ERG: variants seen among roughly 807,000 people sequenced by gnomAD.
ERG encodes the protein ETS transcription factor ERG, also known as transcriptional regulator ERG.
ERG carries 9 observed loss-of-function variants against 55.3 expected under a neutral mutation model. The ratio of observed to expected loss-of-function variants is 0.16; its 90% CI spans 0.10 to 0.28. The LOEUF is 0.28. Among genes scored for constraint, ERG ranks in the 10% least tolerant of loss-of-function variants. The probability of loss-of-function intolerance (pLI) is 1.00; values close to 1 mark genes in which losing one functional copy is unlikely to be tolerated. For synonymous variants in ERG, 223 were observed against 237.3 expected (o/e 0.94, Z 0.55); for missense variants, 434 against 631.6 (o/e 0.69, Z 3.35).
At chr21:38,411,500 G>T (rs1184384020) in intron 3 of ERG, among the ~76,000 whole-genome samples, 1 of 152,076 alleles carries the variant, frequency 6.6e-6, no homozygotes, top group Non-Finnish European at 1.5e-5. Context: ...TAGAGATGGG[G>T]TTTCACCATG....
At position 38,514,917 on chromosome 21, in the gene ERG, A is replaced by G. The variant is rs150739495; in HGVS notation, c.-41+60745T>C. 9.9e-4 allele frequency among the ~76,000 whole-genome samples: 150 copies of G among 152,184 alleles called. 1 individual carries two copies. The highest frequency in any genetic ancestry group is 3.5e-3 in the African/African-American group (144 of 41,578). On this transcript the variant is annotated intron_variant, in intron 2 of 8. Transcript: ENST00000398897. The stretch of plus-strand genomic sequence containing the variant: ...AAAGTTTGCTAGATACAAGGTCAAT[A>G]TAGAATTTTAGTTTTATATATCAGC...
At chr21:38,531,092 G>T (rs2059669145) in intron 2 of ERG, among the ~76,000 whole-genome samples, 1 of 152,140 alleles carries the variant, frequency 6.6e-6, no homozygotes, top group Non-Finnish European at 1.5e-5. Context: ...CCTTCCTCCA[G>T]CAAGGGCACA....
At chr21:38,370,021 A>C in the ERG span, among the ~76,000 whole-genome samples, 3 of 152,142 alleles carry the variant, frequency 2.0e-5, no homozygotes, top group Non-Finnish European at 4.4e-5. Flanking sequence ...TGGTTACTGT[A>C]GCCCTGTATT....
At chr21:38,467,212 A>T (rs2059098964) in intron 1 of ERG, among the ~76,000 whole-genome samples, 1 of 152,224 alleles carries the variant, frequency 6.6e-6, no homozygotes. Context: ...ATTCAAAAGC[A>T]AGAGGCTTGT....
chr21:38,478,625 C>T (rs749073896), intron 1 of ERG, among the ~76,000 whole-genome samples: 3 of 152,140 alleles, frequency 2.0e-5, no homozygotes, highest in Non-Finnish European at 4.4e-5. Context: ...CTTGCAGAGC[C>T]CTCATGGTCA....
At chr21:38,495,797 C>T (rs767069192) in intron 1 of ERG, among the ~76,000 whole-genome samples, 10 of 152,104 alleles carry the variant, frequency 6.6e-5, no homozygotes, top group South Asian at 2.1e-4. Context: ...GAAGCACAAT[C>T]GAGTTTTCAG....
rs1290181914 is a variant in ERG, at chr21:38,570,183, G to T, written c.-41+5479C>A. Among the ~76,000 whole-genome samples, 4 of 152,150 alleles carry T rather than the reference G, an allele frequency of 2.6e-5. No homozygotes were observed. In the East Asian group the frequency reaches 7.7e-4, roughly 29 times the overall value. On this transcript the variant is annotated intron_variant, in intron 2 of 8. Transcript: ENST00000398897. Reference sequence around the variant, plus strand: ...CTCCTGCCAGCATGGAGGACCCACTGTGCCACATAAAAACATCACTGTTAT... The same window carrying T: ...CTCCTGCCAGCATGGAGGACCCACTTTGCCACATAAAAACATCACTGTTAT...
intron 1 of ERG, among the ~76,000 whole-genome samples, chr21:38,636,369 A>G (rs1363925877): frequency 6.6e-6 from 1 of 152,200 alleles, no homozygotes. Flanking sequence ...TCTCCAGGAG[A>G]AGAGAAGCTA....
At chr21:38,499,277 T>C (rs1391371299), upstream of ERG, among the ~76,000 whole-genome samples, 2 of 152,208 alleles carry the variant, frequency 1.3e-5, no homozygotes, top group Non-Finnish European at 2.9e-5. Flanking sequence ...ATAGAACTTT[T>C]GGCTACCCAG....
At chr21:38,650,778 T>C (rs775340310) in intron 1 of ERG, among the ~76,000 whole-genome samples, 1 of 152,220 alleles carries the variant, frequency 6.6e-6, no homozygotes, top group Non-Finnish European at 1.5e-5. Flanking sequence ...TCAGAAGACT[T>C]TTCCATAAGC....
At position 38,403,554 on chromosome 21, in the gene ERG, T is replaced by G. The variant is rs781094411; in HGVS notation, c.544A>C (p.Ser182Arg). 11 of 1,614,048 alleles carry G rather than the reference T, an allele frequency of 6.8e-6. No homozygotes were observed. Among genetic ancestry groups the G allele is most frequent in the Non-Finnish European group, 6.8e-6 (8 of 1,180,026 alleles). ...TKDDFQRLTPSYNADILLSHL... is the reference protein window; with the variant it reads ...TKDDFQRLTPRYNADILLSHL... The stretch of plus-strand genomic sequence containing the variant: ...GAGAGAAGGATGTCGGCGTTGTAGC[T>G]GGGGGTGAGCCTCTGGAAGTCGTCC... The change falls in exon 4 of 10, where the codon AGC (serine) becomes CGC (arginine). Residue 182 changes from serine to arginine, a missense_variant. By Grantham distance (110) the Ser-to-Arg change is moderately radical. Coordinates refer to ENST00000288319, the MANE Select transcript of ERG (RefSeq NM_182918.4).
intron 2 of ERG, among the ~76,000 whole-genome samples, chr21:38,540,025 T>C (rs975357276): frequency 6.6e-6 from 1 of 151,404 alleles, no homozygotes; most frequent in African/African-American, 2.4e-5. Context: ...GCCTCCCAAG[T>C]AGCTGAAATT....
At chr21:38,573,610 T>G (rs536331313) in intron 2 of ERG, among the ~76,000 whole-genome samples, 7 of 152,312 alleles carry the variant, frequency 4.6e-5, no homozygotes, top group South Asian at 2.1e-4. Flanking sequence ...CATAGATTCT[T>G]TTGCTCACAT....
rs901065813 is a variant in ERG at position 38,442,324 on chromosome 21, G to C, written c.236+3080C>G. On this transcript the variant is annotated intron_variant, in intron 2 of 9. Transcript: ENST00000288319. Reference sequence around the variant, plus strand: ...CAGGGGAGTCGCTTGAACCCCGGGGGGTGGAGGTTGCAGTAAGCTGAGATC... The same window carrying C: ...CAGGGGAGTCGCTTGAACCCCGGGGCGTGGAGGTTGCAGTAAGCTGAGATC... Among the ~76,000 whole-genome samples the C allele has an allele frequency of 3.3e-5, 5 of 152,244 alleles. No individual in the cohort carries two copies. The East Asian group carries it at 5.8e-4, about 18-fold the overall frequency.
At chr21:38,570,588 A>T (rs2059951588) in intron 2 of ERG, among the ~76,000 whole-genome samples, 1 of 152,196 alleles carries the variant, frequency 6.6e-6, no homozygotes, top group African/African-American at 2.4e-5. Context: ...GTCTAAATGT[A>T]CTAACTCGTT....
chr21:38,655,561 C>T (rs147376639), intron 1 of ERG, among the ~76,000 whole-genome samples: 4 of 152,306 alleles, frequency 2.6e-5, no homozygotes, highest in South Asian at 2.1e-4. Context: ...GTGTGTGGAA[C>T]GCACTTGGCT....
chr21:38,539,330 T>C (rs536762770), intron 2 of ERG, among the ~76,000 whole-genome samples: 1 of 152,288 alleles, frequency 6.6e-6, no homozygotes, highest in South Asian at 2.1e-4. Context: ...ATTTGGAAGA[T>C]GTTCTATGAA....
At chr21:38,498,584 T>A, upstream of ERG, 2 of 1,026,096 alleles carry the variant, frequency 1.9e-6, no homozygotes, top group Non-Finnish European at 2.5e-6. The surrounding 1 kb of genome is among the most constrained non-coding windows in gnomAD (Gnocchi z 4.6). Context: ...AGTGGAGAGA[T>A]AAGAGACCCT....
At chr21:38,652,107 T>A (rs1333778312) in intron 1 of ERG, among the ~76,000 whole-genome samples, 2 of 152,152 alleles carry the variant, frequency 1.3e-5, no homozygotes, top group East Asian at 3.9e-4. Flanking sequence ...TTGAAGTAGG[T>A]GTCTGGTCTG....
Sources: gnomAD v4.1 joint callset for allele counts (sites outside exome capture counted in the v4.1 genomes callset) on GRCh38, gnomAD v4.1.1 for gene constraint, Gnocchi (gnomAD v3.1) non-coding constraint, MANE v1.5 for transcripts, NCBI Gene and HGNC (gene_info 2026-07-23, HGNC 2026-07-21) for gene names.